RGS7BP: variants seen among roughly 807,000 people sequenced by gnomAD.
RGS7BP encodes the protein regulator of G protein signaling 7 binding protein.
RGS7BP carries 9 observed loss-of-function variants against 31.3 expected under a neutral mutation model. The ratio of observed to expected loss-of-function variants is 0.29; its 90% CI spans 0.17 to 0.50. The LOEUF (loss-of-function observed/expected upper bound fraction) is 0.50. Ranked by LOEUF, RGS7BP falls within the 20% of genes least tolerant of loss-of-function variation. RGS7BP has a pLI of 0.98. For synonymous variants in RGS7BP, 115 were observed against 120.1 expected (o/e 0.96, Z 0.28); for missense variants, 274 against 322.0 (o/e 0.85, Z 1.14).
chr5:64,534,233 G>T (rs1235110054), intron 2 of RGS7BP, among the ~76,000 whole-genome samples: 1 of 144,548 alleles, frequency 6.9e-6, no homozygotes, highest in African/African-American at 2.5e-5. Flanking sequence ...AACTTGGCTA[G>T]TTCCAGAGCC....
intron 2 of RGS7BP, among the ~76,000 whole-genome samples, chr5:64,510,353 A>G (rs1173081436): frequency 2.0e-5 from 3 of 152,218 alleles, no homozygotes; most frequent in South Asian, 2.1e-4. Flanking sequence ...TAATGCTGCC[A>G]TTCAAAAAGG....
At chr5:64,514,494 T>A (rs796904771) in intron 2 of RGS7BP, among the ~76,000 whole-genome samples, 1 of 152,214 alleles carries the variant, frequency 6.6e-6, no homozygotes, top group Non-Finnish European at 1.5e-5. Context: ...CAGGGCCCAA[T>A]GTTTAATCAT....
At chr5:64,554,102 C>G (rs73111048) in intron 2 of RGS7BP, among the ~76,000 whole-genome samples, 2,402 of 152,272 alleles carry the variant, frequency 0.016, 55 homozygotes, top group African/African-American at 0.054. Flanking sequence ...TCATCCCACT[C>G]CCTTATCCTC....
At chr5:64,551,473 G>T (rs1286121790) in intron 2 of RGS7BP, among the ~76,000 whole-genome samples, 1 of 151,674 alleles carries the variant, frequency 6.6e-6, no homozygotes, top group Non-Finnish European at 1.5e-5. Context: ...ATTTTGGCCA[G>T]GCTGGTCTCA....
At chr5:64,594,638 C>T (rs1743013494) in intron 3 of RGS7BP, 72 bp from the exon 4 acceptor site, 1 of 1,465,658 alleles carries the variant, frequency 6.8e-7, no homozygotes, top group Admixed American at 1.7e-5. Context: ...TTAGCACTGA[C>T]ATCCTGCATA....
intron 5 of RGS7BP, among the ~76,000 whole-genome samples, chr5:64,603,659 A>T (rs980384033): frequency 5.3e-5 from 8 of 152,242 alleles, no homozygotes; most frequent in African/African-American, 1.9e-4. Context: ...TGTCCACAGG[A>T]TTTAACAACA....
At chr5:64,513,017 C>T (rs1489637989) in intron 2 of RGS7BP, among the ~76,000 whole-genome samples, 4 of 152,340 alleles carry the variant, frequency 2.6e-5, no homozygotes, top group Admixed American at 6.5e-5. Flanking sequence ...TGAAGGACTT[C>T]TGAATCTCCT....
At chr5:64,569,297 A>C (rs1490283223) in intron 2 of RGS7BP, among the ~76,000 whole-genome samples, 4 of 152,104 alleles carry the variant, frequency 2.6e-5, no homozygotes, top group Non-Finnish European at 5.9e-5. Flanking sequence ...TGAACAAAAA[A>C]AAACAACAAC....
At chr5:64,558,844 T>C (rs1334210123) in intron 2 of RGS7BP, among the ~76,000 whole-genome samples, 1 of 152,164 alleles carries the variant, frequency 6.6e-6, no homozygotes, top group African/African-American at 2.4e-5. Flanking sequence ...ATCTGCCTTA[T>C]GCAGTTGCAG....
intron 2 of RGS7BP, among the ~76,000 whole-genome samples, chr5:64,522,877 C>A (rs1201716268): frequency 6.6e-6 from 1 of 152,120 alleles, no homozygotes; most frequent in Non-Finnish European, 1.5e-5. Context: ...TGTGATCACA[C>A]AGTTCATTCC....
At chr5:64,577,334 C>T (rs1290344912) in intron 3 of RGS7BP, among the ~76,000 whole-genome samples, 2 of 152,070 alleles carry the variant, frequency 1.3e-5, no homozygotes, top group East Asian at 1.9e-4. Context: ...CCCAGCTATT[C>T]AGGAGGCTGA....
chr5:64,510,369 C>T (rs1168825719), intron 2 of RGS7BP, among the ~76,000 whole-genome samples: 1 of 152,106 alleles, frequency 6.6e-6, no homozygotes, highest in Admixed American at 6.6e-5. Flanking sequence ...AAAGGTGTTA[C>T]GTATAAAGGA....
chr5:64,600,241 T>C (rs563661451), intron 5 of RGS7BP, among the ~76,000 whole-genome samples: 1 of 152,244 alleles, frequency 6.6e-6, no homozygotes, highest in Non-Finnish European at 1.5e-5. Flanking sequence ...CACATTCAGC[T>C]TTCCTAGAGG....
In RGS7BP at chr5:64,603,778, G is replaced by A. The variant is rs1424810259; in HGVS notation, c.682+5343G>A. Among the ~76,000 whole-genome samples, 6 of 152,214 alleles carry A rather than the reference G, an allele frequency of 3.9e-5. No individual in the cohort carries two copies. The East Asian group carries it at 7.7e-4, about 20-fold the overall frequency. On this transcript the variant is annotated intron_variant, in intron 5 of 5. Coordinates refer to ENST00000334025, the MANE Select transcript of RGS7BP (RefSeq NM_001029875.3). ...TGGCAGATGATGAGCTGGGGCAGCC[G>A]GGGTAAATTCATTAAGACTTTTATA...
intron 2 of RGS7BP, among the ~76,000 whole-genome samples, chr5:64,544,834 T>A (rs751471546): frequency 8.6e-5 from 13 of 151,834 alleles, no homozygotes; most frequent in Admixed American, 4.6e-4. Flanking sequence ...CAGAAGAAAA[T>A]GACTAGGCTG....
At chr5:64,567,112 T>C (rs1378279286) in intron 2 of RGS7BP, among the ~76,000 whole-genome samples, 5 of 151,958 alleles carry the variant, frequency 3.3e-5, no homozygotes, top group African/African-American at 1.2e-4. Flanking sequence ...ATGCAACGTA[T>C]GAACAAGCAT....
At chr5:64,555,590 C>G (rs952918160) in intron 2 of RGS7BP, among the ~76,000 whole-genome samples, 33 of 151,842 alleles carry the variant, frequency 2.2e-4, no homozygotes, top group African/African-American at 7.2e-4. Context: ...GGAACTATTG[C>G]CAGAGAAAAA....
Position 64,611,623 on chromosome 5 carries a change from C to G in RGS7BP, c.*2371C>G, listed in dbSNP as rs1428702728. 1.3e-5 allele frequency: 2 copies of G among 152,188 alleles called. No individual in the cohort carries two copies. The highest frequency in any genetic ancestry group is 2.9e-5 in the Non-Finnish European group (2 of 67,872). 9.4% of individuals were successfully genotyped at this position (152,188 alleles called of 1,614,324 possible). Reference sequence around the variant, plus strand: ...TATTTAAGGTAATATATTCAGCTACCGTATCTTTTATTCATAGTGCCTGTT... The same window carrying G: ...TATTTAAGGTAATATATTCAGCTACGGTATCTTTTATTCATAGTGCCTGTT... On this transcript the variant is annotated 3_prime_UTR_variant, in exon 6 of 6. Coordinates refer to ENST00000334025, the MANE Select transcript of RGS7BP (RefSeq NM_001029875.3).
intron 2 of RGS7BP, among the ~76,000 whole-genome samples, chr5:64,560,295 G>C (rs540436728): frequency 1.3e-5 from 2 of 152,110 alleles, no homozygotes; most frequent in East Asian, 3.9e-4. Context: ...CAAATCAAAT[G>C]ATCAGGCCCC....
Sources: allele counts gnomAD v4.1 joint callset (sites outside exome capture counted in the v4.1 genomes callset), GRCh38; gene constraint gnomAD v4.1.1; transcripts MANE v1.5; gene names NCBI Gene and HGNC (gene_info 2026-07-23, HGNC 2026-07-21).